Variants in CORIN observed in about 807,000 individuals in gnomAD.
The protein encoded by CORIN is atrial natriuretic peptide-converting enzyme.
CORIN carries 117 observed loss-of-function variants against 125.3 expected under a neutral mutation model. The observed-to-expected ratio is 0.93, with a 90% CI of 0.80 to 1.09. The LOEUF is 1.09. CORIN is among the 50% of genes least tolerant of loss of function. CORIN has a pLI of 0.00. For missense variants in CORIN, 1,253 were observed against 1,306.7 expected, an observed-to-expected ratio of 0.96 and a Z score of 0.63; for synonymous variants, 450 against 466.4, an observed-to-expected ratio of 0.96 and a Z score of 0.45.
chr4:47,816,846 G>GCA lies in CORIN; in HGVS notation c.64-9801_64-9800dup, dbSNP rs58486505. 7.8e-3 allele frequency among the ~76,000 whole-genome samples: 1,174 copies of GCA among 150,760 alleles called. 13 individuals are homozygous for GCA. Among genetic ancestry groups the GCA allele is most frequent in the African/African-American group, 0.023 (936 of 41,114 alleles). On this transcript the variant is annotated intron_variant, in intron 1 of 21. Coordinates refer to ENST00000273857, the MANE Select transcript of CORIN (RefSeq NM_006587.4). ...CCATAGCACAAGCACACACACACGT[G>GCA]CACACACACACACACACTCACACAC... is the stretch of plus-strand genomic sequence containing the variant.
intron 19 of CORIN, among the ~76,000 whole-genome samples, chr4:47,615,820 A>C (rs1722049987): frequency 6.7e-6 from 1 of 149,890 alleles, no homozygotes; most frequent in South Asian, 2.1e-4. Flanking sequence ...AGCCCTAGGA[A>C]ATAAATAGTC....
chr4:47,620,485 A>G (rs1429121541), intron 19 of CORIN, among the ~76,000 whole-genome samples: 1 of 152,266 alleles, frequency 6.6e-6, no homozygotes, highest in Non-Finnish European at 1.5e-5. Context: ...GTGTTATTCC[A>G]AATTGTAAAA....
chr4:47,614,148 A>T (rs1721980793), intron 19 of CORIN, among the ~76,000 whole-genome samples: 1 of 152,202 alleles, frequency 6.6e-6, no homozygotes. Context: ...GATAAGTAAG[A>T]CAAAGCAGAA....
intron 3 of CORIN, among the ~76,000 whole-genome samples, chr4:47,764,343 T>C (rs563395285): frequency 3.9e-5 from 6 of 152,242 alleles, no homozygotes; most frequent in African/African-American, 7.2e-5. Context: ...GGCGCCACCA[T>C]ATCCATGGCT....
chr4:47,716,026 G>A (rs188429667), intron 5 of CORIN, among the ~76,000 whole-genome samples: 1 of 152,316 alleles, frequency 6.6e-6, no homozygotes, highest in East Asian at 1.9e-4. Context: ...TAAGGGAGCT[G>A]TTCAAATTGT....
chr4:47,768,989 A>G (rs1481102361), intron 3 of CORIN, among the ~76,000 whole-genome samples: 1 of 152,230 alleles, frequency 6.6e-6, no homozygotes, highest in East Asian at 1.9e-4. Context: ...GGCAAGAGAA[A>G]GAAATAAAAG....
intron 4 of CORIN, among the ~76,000 whole-genome samples, chr4:47,748,118 A>G (rs1728738683): frequency 6.6e-6 from 1 of 152,200 alleles, no homozygotes. Context: ...GGACCAGGAT[A>G]TGTGAAATAG....
Position 47,595,709 on chromosome 4 carries a change from T to A in CORIN, c.*12A>T, listed in dbSNP as rs1721223482. ...TAGTGTAGCTGGCAAAAGTCTCTGA[T>A]CATCCTTATAATTAGTTTAGGAGAA... On this transcript the variant is annotated 3_prime_UTR_variant, in exon 22 of 22. Transcript: ENST00000273857. 1.3e-6 allele frequency: 2 copies of A among 1,585,260 alleles called. No individual in the cohort carries two copies. Among genetic ancestry groups the A allele is most frequent in the Non-Finnish European group, 1.7e-6 (2 of 1,168,690 alleles).
chr4:47,765,192 G>A (rs1329993551), intron 3 of CORIN, among the ~76,000 whole-genome samples: 2 of 151,700 alleles, frequency 1.3e-5, no homozygotes, highest in Admixed American at 6.6e-5. Context: ...GCGTTGTGGG[G>A]GGCGTGGTGG....
At chr4:47,606,859 T>G (rs934862310) in intron 19 of CORIN, among the ~76,000 whole-genome samples, 7 of 152,258 alleles carry the variant, frequency 4.6e-5, no homozygotes, top group African/African-American at 1.4e-4. Context: ...GTGATTCTAT[T>G]GTTTCAGACA....
chr4:47,666,698 G>A (rs1023997489), intron 10 of CORIN, among the ~76,000 whole-genome samples: 1 of 152,100 alleles, frequency 6.6e-6, no homozygotes, highest in Non-Finnish European at 1.5e-5. Context: ...TAAAGCTCTC[G>A]CTCTCTCAGC....
At chr4:47,784,979 A>T (rs2109913573) in intron 3 of CORIN, among the ~76,000 whole-genome samples, 1 of 152,308 alleles carries the variant, frequency 6.6e-6, no homozygotes, top group East Asian at 1.9e-4. Flanking sequence ...ACTGGCAAAC[A>T]TATACTATGA....
intron 1 of CORIN, among the ~76,000 whole-genome samples, chr4:47,823,528 G>GT (rs1732612235): frequency 6.6e-6 from 1 of 152,094 alleles, no homozygotes; most frequent in African/African-American, 2.4e-5. Flanking sequence ...TATTTATATT[G>GT]TGTGTGCATT....
intron 19 of CORIN, among the ~76,000 whole-genome samples, chr4:47,618,332 C>CAA (rs57190153): frequency 0.18 from 19,247 of 107,952 alleles, 2,080 homozygotes; most frequent in East Asian, 0.48. Flanking sequence ...GAAACTCCAT[C>CAA]AAAAAAAAAA....
chr4:47,619,713 G>T (rs963366215), intron 19 of CORIN, among the ~76,000 whole-genome samples: 2 of 152,150 alleles, frequency 1.3e-5, no homozygotes, highest in Non-Finnish European at 2.9e-5. Context: ...AGGAAACTTG[G>T]ATACCACATG....
At chr4:47,631,312 AG>A (rs1560480621) in intron 16 of CORIN, among the ~76,000 whole-genome samples, 1 of 152,154 alleles carries the variant, frequency 6.6e-6, no homozygotes. Flanking sequence ...AAGCCAGCAA[AG>A]CTTCATCTGT....
intron 1 of CORIN, among the ~76,000 whole-genome samples, chr4:47,835,197 T>C (rs551472501): frequency 5.3e-5 from 8 of 152,296 alleles, no homozygotes; most frequent in Non-Finnish European, 1.2e-4. Context: ...ACCTAGTATG[T>C]TTAGCCAGCC....
chr4:47,763,272 C>T, intron 4 of CORIN, 107 bp downstream of exon 4: 2 of 799,044 alleles, frequency 2.5e-6, no homozygotes, highest in South Asian at 3.4e-5. Flanking sequence ...ACTAATGTGG[C>T]TAATAACAAC....
rs142915437 is a variant in CORIN, at chr4:47,747,970, T to C, written c.618-3387A>G. On this transcript the variant is annotated intron_variant, in intron 4 of 21. Coordinates refer to ENST00000273857, the MANE Select transcript of CORIN (RefSeq NM_006587.4). ...AACAGGCATTTTCCTCAAGATTTGT[T>C]CTGGGAATATATAGAGACATTAAAA... is the stretch of plus-strand genomic sequence containing the variant. Among the ~76,000 whole-genome samples, 186 of 152,344 alleles carry C rather than the reference T, an allele frequency of 1.2e-3. 1 individual carries two copies. Among genetic ancestry groups the C allele is most frequent in the Non-Finnish European group, 2.1e-3 (143 of 68,032 alleles).
Sources: allele counts gnomAD v4.1 joint callset (sites outside exome capture counted in the v4.1 genomes callset), GRCh38; gene constraint gnomAD v4.1.1; transcripts MANE v1.5; gene names NCBI Gene and HGNC (gene_info 2026-07-23, HGNC 2026-07-21).